The following LAMA3 variants were observed in gnomAD, a reference collection of about 807,000 sequenced individuals.
LAMA3 encodes laminin subunit alpha 3, also known as laminin subunit alpha-3.
A neutral mutation model predicts 402.0 loss-of-function variants in LAMA3; 281 were observed. The observed-to-expected ratio is 0.70, with a 90% CI of 0.63 to 0.77. The LOEUF is 0.77. Among genes scored for constraint, LAMA3 ranks in the 30% least tolerant of loss-of-function variants. The probability of loss-of-function intolerance (pLI) is 0.00; values close to 1 mark genes in which losing one functional copy is unlikely to be tolerated. For synonymous variants in LAMA3, 1,431 were observed against 1,558.4 expected, an observed-to-expected ratio of 0.92 and a Z score of 1.93; for missense variants, 3,840 against 4,215.5, an observed-to-expected ratio of 0.91 and a Z score of 2.47.
chr18:23,790,170 A>G (rs1323235713), intron 12 of LAMA3, among the ~76,000 whole-genome samples: 2 of 152,176 alleles, frequency 1.3e-5, no homozygotes, highest in African/African-American at 4.8e-5. Flanking sequence ...AAACCCCTTC[A>G]TCACCTAGTG....
At chr18:23,903,878 G>A in intron 49 of LAMA3, 55 bp from the exon 50 acceptor site, 1 of 1,385,670 alleles carries the variant, frequency 7.2e-7, no homozygotes, top group East Asian at 2.3e-5. Context: ...TGAGAAATCA[G>A]CACCTACATT....
intron 4 of LAMA3, among the ~76,000 whole-genome samples, chr18:23,750,069 C>A (rs569579512): frequency 6.6e-6 from 1 of 152,144 alleles, no homozygotes; most frequent in Non-Finnish European, 1.5e-5. Context: ...GCCGATCCTA[C>A]GTGATCCCTG....
intron 70 of LAMA3, 46 bp downstream of exon 70, chr18:23,946,330 TA>T: frequency 6.4e-7 from 1 of 1,566,758 alleles, no homozygotes. Flanking sequence ...ATTCACCTTA[TA>T]TTATAGGCAT....
intron 41 of LAMA3, among the ~76,000 whole-genome samples, chr18:23,886,085 C>T (rs2065064330): frequency 6.6e-6 from 1 of 152,210 alleles, no homozygotes; most frequent in South Asian, 2.1e-4. Context: ...ATCTCCTACT[C>T]TTGGTCTTGG....
Position 23,748,061 on chromosome 18 carries a change from G to C in LAMA3, c.565+1G>C. The stretch of plus-strand genomic sequence containing the variant: ...TACTCACCATGGCAATATTTTGCTC[G>C]TAAGTAATCTTGCCTACCATGTTAT... On this transcript the variant is annotated splice_donor_variant, in intron 3 of 74. Coordinates refer to ENST00000313654, the MANE Select transcript of LAMA3 (RefSeq NM_198129.4). LOFTEE classifies it high-confidence loss of function. 13 of 1,515,890 alleles carry C rather than the reference G, an allele frequency of 8.6e-6. No individual in the cohort carries two copies. Among genetic ancestry groups the C allele is most frequent in the Non-Finnish European group, 1.2e-5 (13 of 1,090,334 alleles). 93.9% of individuals were successfully genotyped at this position (1,515,890 alleles called of 1,614,324 possible). A position where few individuals can be genotyped will look rare whatever the true frequency, so the allele number is the denominator to read the frequency against.
chr18:23,821,786 G>A (rs964151434), intron 19 of LAMA3, among the ~76,000 whole-genome samples: 8 of 152,208 alleles, frequency 5.3e-5, no homozygotes, highest in African/African-American at 1.2e-4. Flanking sequence ...CTTGGCCACC[G>A]TTGGTTTCTG....
chr18:23,773,963 G>C (rs1598763650), intron 9 of LAMA3, among the ~76,000 whole-genome samples: 1 of 152,194 alleles, frequency 6.6e-6, no homozygotes, highest in African/African-American at 2.4e-5. Flanking sequence ...GCTCAGGCCT[G>C]TAATCCCAGG....
At chr18:23,833,703 C>A in intron 23 of LAMA3, 125 bp from the exon 24 acceptor site, 1 of 1,028,564 alleles carries the variant, frequency 9.7e-7, no homozygotes, top group South Asian at 1.3e-5. Flanking sequence ...ATATTCCTTA[C>A]TGGGATGACA....
chr18:23,749,579 A>G, intron 4 of LAMA3, 33 bp downstream of exon 4: 13 of 1,257,430 alleles, frequency 1.0e-5, no homozygotes, highest in Non-Finnish European at 1.5e-5. Flanking sequence ...GAGAGATAAG[A>G]CTCAGAAATG....
intron 54 of LAMA3, among the ~76,000 whole-genome samples, chr18:23,908,705 C>CT (rs377553801): frequency 2.0e-5 from 3 of 151,978 alleles, no homozygotes; most frequent in African/African-American, 7.3e-5. Context: ...TCCAAGACCC[C>CT]TACTGGGTGT....
rs760128589 is a variant in LAMA3, at chr18:23,864,878, C to T, written c.4678C>T (p.Leu1560Phe). The change falls in exon 36 of 75, where the codon CTC (leucine) becomes TTC (phenylalanine). Residue 1560 changes from leucine to phenylalanine, a missense_variant. Transcript: ENST00000313654. ...TCTGGAAAAGAAGCCGGATGTACAG[C>T]TCACTGTAGGTATCAGAGCATGACC... The part of the protein sequence containing the change: ...VLLEKKPDVQ[L>F]TGQHMSIIYE... 1.2e-6 allele frequency: 2 copies of T among 1,607,832 alleles called. No individual in the cohort carries two copies. The highest frequency in any genetic ancestry group is 2.2e-5 in the East Asian group (1 of 44,868).
Position 23,866,271 on chromosome 18 carries a change from C to T in LAMA3, c.4683+1388C>T, listed in dbSNP as rs114228603. On this transcript the variant is annotated intron_variant, in intron 36 of 74. Coordinates refer to ENST00000313654, the MANE Select transcript of LAMA3 (RefSeq NM_198129.4). ...AGGGTAGGGTGCCACTGCCTGAAGTCGGCTCTATTTCTGGTTTATTGGGTG... is the reference window on the plus strand; with the variant it reads ...AGGGTAGGGTGCCACTGCCTGAAGTTGGCTCTATTTCTGGTTTATTGGGTG... Among the ~76,000 whole-genome samples the T allele has an allele frequency of 9.5e-3, 1,442 of 152,234 alleles. 18 individuals carry two copies. The highest frequency in any genetic ancestry group is 0.033 in the African/African-American group (1,373 of 41,526).
chr18:23,931,032 G>A (rs1163057549), intron 64 of LAMA3, 30 bp from the exon 65 acceptor site: 8 of 1,598,124 alleles, frequency 5.0e-6, no homozygotes, highest in Non-Finnish European at 6.9e-6. Flanking sequence ...ATGCAAATTA[G>A]TTGATGGGTA....
rs764427988 is a variant in LAMA3, at chr18:23,921,046, G to A, written c.8035G>A (p.Asp2679Asn). The change falls in exon 61 of 75, where the codon GAC (aspartate) becomes AAC (asparagine). Residue 2679 changes from aspartate to asparagine, a missense_variant. Coordinates refer to ENST00000313654, the MANE Select transcript of LAMA3 (RefSeq NM_198129.4). ...GVGDAINNGR[D>N]HSIQIKIGKL... Reference sequence around the variant, plus strand: ...TGGAGACGCCATAAACAACGGCAGAGACCATTCGGTACACCTTTTGAGTCT... The same window carrying A: ...TGGAGACGCCATAAACAACGGCAGAAACCATTCGGTACACCTTTTGAGTCT... 20 of 1,613,936 alleles carry A rather than the reference G, an allele frequency of 1.2e-5. No individual in the cohort carries two copies. In the South Asian group the frequency reaches 1.9e-4, roughly 15 times the overall value.
At chr18:23,758,696 C>T (rs1190457068) in intron 7 of LAMA3, among the ~76,000 whole-genome samples, 185 bp downstream of exon 7, 2 of 152,218 alleles carry the variant, frequency 1.3e-5, no homozygotes, top group Non-Finnish European at 2.9e-5. Context: ...TTCAGATGTA[C>T]ATTTGAGAAG....
In LAMA3 at chr18:23,858,832, A is replaced by G. The variant is rs771261850; in HGVS notation, c.4422+3A>G. 3.7e-6 allele frequency: 6 copies of G among 1,613,872 alleles called. No homozygotes were observed. Among genetic ancestry groups the G allele is most frequent in the Non-Finnish European group, 3.4e-6 (4 of 1,179,856 alleles). ...GCTCACATAAGCGAAGGACTAAGGT[A>G]TGCATTGACAGAAAGTGCTGGGGAA... On this transcript the variant is annotated splice_donor_region_variant and intron_variant, in intron 34 of 74. Transcript: ENST00000313654.
intron 18 of LAMA3, 132 bp downstream of exon 18, chr18:23,816,619 C>A: frequency 1.3e-6 from 1 of 741,890 alleles, no homozygotes; most frequent in Admixed American, 2.0e-5. Flanking sequence ...TGTCCTATGT[C>A]AATTGAAATC....
intron 23 of LAMA3, among the ~76,000 whole-genome samples, chr18:23,828,398 A>G (rs1476405243): frequency 6.6e-6 from 1 of 152,218 alleles, no homozygotes; most frequent in Non-Finnish European, 1.5e-5. Context: ...AAGTAAAACA[A>G]TATAGATATG....
chr18:23,930,999 A>G, intron 64 of LAMA3, 63 bp from the exon 65 acceptor site: 1 of 1,438,904 alleles, frequency 6.9e-7, no homozygotes, highest in Non-Finnish European at 9.8e-7. Flanking sequence ...TAAATTCAGT[A>G]AAGATACAGG....
Sources: gnomAD v4.1 joint callset for allele counts (sites outside exome capture counted in the v4.1 genomes callset) on GRCh38, gnomAD v4.1.1 for gene constraint, MANE v1.5 for transcripts, NCBI Gene and HGNC (gene_info 2026-07-23, HGNC 2026-07-21) for gene names.